Variants in TMEM88 observed in about 807,000 individuals in gnomAD.
The protein encoded by TMEM88 is transmembrane protein 88.
In TMEM88, 8 loss-of-function variants were observed where a neutral mutation model predicts 10.0. The ratio of observed to expected loss-of-function variants is 0.80; its 90% CI spans 0.47 to 1.44. TMEM88 has a LOEUF of 1.44. Ranked by LOEUF, TMEM88 falls within the 40% of genes most tolerant of loss-of-function variation. TMEM88 has a pLI of 0.00. For synonymous variants in TMEM88, 139 were observed against 104.9 expected (o/e 1.33, Z -1.99); for missense variants, 255 against 217.8 (o/e 1.17, Z -1.07).
chr17:7,855,402 G>C (rs765374753), intron 1 of TMEM88, 43 bp from the exon 2 acceptor site: 24 of 1,596,302 alleles, frequency 1.5e-5, no homozygotes, highest in East Asian at 1.1e-4. Context: ...CCCGTGCACA[G>C]TATCGCCTGG....
chr17:7,856,039 TG>T lies in TMEM88; in HGVS notation c.*331del, dbSNP rs1213245575. 5 of 1,075,406 alleles carry T rather than the reference TG, an allele frequency of 4.6e-6. No individual in the cohort carries two copies. The highest frequency in any genetic ancestry group is 3.3e-5 in the African/African-American group (2 of 60,688). The allele number at this position is 1,075,406 out of a possible 1,614,324, so 66.6% of individuals were successfully genotyped here. A position where few individuals can be genotyped will look rare whatever the true frequency, so the allele number is the denominator to read the frequency against. On this transcript the variant is annotated 3_prime_UTR_variant, in exon 2 of 2. Coordinates refer to ENST00000301599, the MANE Select transcript of TMEM88 (RefSeq NM_203411.2). ...GCAGCTTCTCTAGTATTTCTGGGGCTGGGGGGCGGGGCTGGAGGGGAAGGAG... is the reference window on the plus strand; with the variant it reads ...GCAGCTTCTCTAGTATTTCTGGGGCTGGGGGCGGGGCTGGAGGGGAAGGAG...
chr17:7,855,377 C>T (rs1366719024), intron 1 of TMEM88, 68 bp from the exon 2 acceptor site: 5 of 1,591,794 alleles, frequency 3.1e-6, no homozygotes, highest in African/African-American at 1.3e-5. Context: ...TTCAACCCGC[C>T]TGGGCTGTTT....
At chr17:7,855,342 G>A in intron 1 of TMEM88, 58 bp downstream of exon 1, 1 of 1,589,354 alleles carries the variant, frequency 6.3e-7, no homozygotes, top group South Asian at 1.1e-5. Context: ...TGGTGATGCT[G>A]GCGGTGGGGT....
At position 7,855,960 on chromosome 17, in the gene TMEM88, C is replaced by T. The variant is rs1010585409; in HGVS notation, c.*246C>T. ...CATCTAGGCTGGAACCTGCACACCTCCCCCTCAGCTCCGTCGTGAATGGGA... is the reference window on the plus strand; with the variant it reads ...CATCTAGGCTGGAACCTGCACACCTTCCCCTCAGCTCCGTCGTGAATGGGA... On this transcript the variant is annotated 3_prime_UTR_variant, in exon 2 of 2. Coordinates refer to ENST00000301599, the MANE Select transcript of TMEM88 (RefSeq NM_203411.2). The T allele has an allele frequency of 1.1e-5, 14 of 1,309,644 alleles. No homozygotes were observed. The highest frequency in any genetic ancestry group is 2.9e-4 in the Middle Eastern group (1 of 3,504). The allele number at this position is 1,309,644 out of a possible 1,614,324, so 81.1% of individuals were successfully genotyped here. A position where few individuals can be genotyped will look rare whatever the true frequency, so the allele number is the denominator to read the frequency against.
At position 7,855,500 on chromosome 17, in the gene TMEM88, C is replaced by T. The variant is rs1031116095; in HGVS notation, c.266C>T (p.Thr89Met). The change falls in exon 2 of 2, where the codon ACG becomes ATG. Residue 89 changes from threonine (T) to methionine (M), a missense_variant. Physicochemically the swap from Thr to Met is moderately conservative, Grantham distance 81. Transcript: ENST00000301599. ...GCGCACCTGCGGGACCCCGGTTTCA[C>T]GGCCCTACTGGTCACCGGATTCCTG... ...CTAHLRDPGF[T>M]ALLVTGFLLL... 9 of 1,608,454 alleles carry T rather than the reference C, an allele frequency of 5.6e-6. No individual in the cohort carries two copies. In the Admixed American group the frequency reaches 6.7e-5, roughly 12 times the overall value.
Position 7,855,170 on chromosome 17 carries a change from A to G in TMEM88, c.96A>G (p.Thr32=). 6.2e-7 allele frequency: 1 copy of G among 1,611,820 alleles called. No individual in the cohort carries two copies. Among genetic ancestry groups the G allele is most frequent in the Non-Finnish European group, 8.5e-7 (1 of 1,179,380 alleles). Residue 32 remains threonine (T), a synonymous_variant, in exon 1 of 2, where the codon ACA becomes ACG. Transcript: ENST00000301599. The part of the protein sequence containing the change: ...LDCWACAVLV[T]AQNLLVAAFN... Reference sequence around the variant, plus strand: ...GTTGGGCCTGCGCTGTTCTTGTAACAGCCCAGAATCTGCTGGTGGCTGCCT... The same window carrying G: ...GTTGGGCCTGCGCTGTTCTTGTAACGGCCCAGAATCTGCTGGTGGCTGCCT...
chr17:7,856,036 G>A lies in TMEM88; in HGVS notation c.*322G>A. On this transcript the variant is annotated 3_prime_UTR_variant, in exon 2 of 2. Coordinates refer to ENST00000301599, the MANE Select transcript of TMEM88 (RefSeq NM_203411.2). ...GGTGCAGCTTCTCTAGTATTTCTGGGGCTGGGGGGCGGGGCTGGAGGGGAA... is the reference window on the plus strand; with the variant it reads ...GGTGCAGCTTCTCTAGTATTTCTGGAGCTGGGGGGCGGGGCTGGAGGGGAA... 6 of 1,206,700 alleles carry A rather than the reference G, an allele frequency of 5.0e-6. No individual in the cohort carries two copies. The highest frequency in any genetic ancestry group is 6.3e-6 in the Non-Finnish European group (6 of 951,418). 74.7% of individuals were successfully genotyped at this position (1,206,700 alleles called of 1,614,324 possible).
chr17:7,856,003 C>T lies in TMEM88; in HGVS notation c.*289C>T, dbSNP rs992990530. On this transcript the variant is annotated 3_prime_UTR_variant, in exon 2 of 2. Transcript: ENST00000301599. ...GAATGGGACAACAATCTCGTGCCCT[C>T]GTTTTATGGTGCAGCTTCTCTAGTA... is the stretch of plus-strand genomic sequence containing the variant. The T allele has an allele frequency of 8.0e-7, 1 of 1,257,334 alleles. No individual in the cohort carries two copies. Among genetic ancestry groups the T allele is most frequent in the Non-Finnish European group, 1.0e-6 (1 of 994,414 alleles). The allele number at this position is 1,257,334 out of a possible 1,614,324, so 77.9% of individuals were successfully genotyped here.
chr17:7,855,981 T>C lies in TMEM88; in HGVS notation c.*267T>C. 4.7e-6 allele frequency: 6 copies of C among 1,283,926 alleles called. No homozygotes were observed. Among genetic ancestry groups the C allele is most frequent in the Non-Finnish European group, 5.9e-6 (6 of 1,015,804 alleles). 79.5% of individuals were successfully genotyped at this position (1,283,926 alleles called of 1,614,324 possible). On this transcript the variant is annotated 3_prime_UTR_variant, in exon 2 of 2. Transcript: ENST00000301599. ...ACCTCCCCCTCAGCTCCGTCGTGAA[T>C]GGGACAACAATCTCGTGCCCTCGTT...
Position 7,855,562 on chromosome 17 carries a change from T to C in TMEM88, c.328T>C (p.Tyr110His). ...GCTGCTCGTGCTTGCTCTGGCCAGC[T>C]ACCGCCGCCTCTGCCTGCGCCTCCG... is the stretch of plus-strand genomic sequence containing the variant. ...VPLLVLALASYRRLCLRLRLA... is the reference protein window; with the variant it reads ...VPLLVLALASHRRLCLRLRLA... The change falls in exon 2 of 2, where the codon TAC (tyrosine) becomes CAC (histidine). Residue 110 changes from tyrosine (Y) to histidine (H), a missense_variant. By Grantham distance (83) the Tyr-to-His change is moderately conservative (BLOSUM62 2). Transcript: ENST00000301599. 1 of 1,608,156 alleles carries C rather than the reference T, an allele frequency of 6.2e-7. No individual in the cohort carries two copies. The highest frequency in any genetic ancestry group is 8.5e-7 in the Non-Finnish European group (1 of 1,179,862).
rs747778724 is a variant in TMEM88, at chr17:7,855,291, G to A, written c.210+7G>A. On this transcript the variant is annotated splice_region_variant and intron_variant, in intron 1 of 1. Transcript: ENST00000301599. Reference sequence around the variant, plus strand: ...CTTCCTCTGCCACTCTCAGGTGAGCGTGCGCCCCGGGGTGTGCGTGTGAGT... The same window carrying A: ...CTTCCTCTGCCACTCTCAGGTGAGCATGCGCCCCGGGGTGTGCGTGTGAGT... 3.8e-6 allele frequency: 6 copies of A among 1,591,764 alleles called. No individual in the cohort carries two copies. Among genetic ancestry groups the A allele is most frequent in the Middle Eastern group, 1.7e-4 (1 of 5,978 alleles).
In TMEM88 at chr17:7,855,153, T is replaced by C. The variant is rs1490973525; in HGVS notation, c.79T>C (p.Cys27Arg). ...CCGGGACCCCCTGGACTGTTGGGCCTGCGCTGTTCTTGTAACAGCCCAGAA... is the reference window on the plus strand; with the variant it reads ...CCGGGACCCCCTGGACTGTTGGGCCCGCGCTGTTCTTGTAACAGCCCAGAA... ...EPRDPLDCWA[C>R]AVLVTAQNLL... Residue 27 changes from cysteine to arginine, a missense_variant, in exon 1 of 2, where the codon TGC (cysteine) becomes CGC (arginine). Physicochemically the swap from Cys to Arg is radical, Grantham distance 180 (BLOSUM62 -3). Coordinates refer to ENST00000301599, the MANE Select transcript of TMEM88 (RefSeq NM_203411.2). 6.2e-7 allele frequency: 1 copy of C among 1,611,946 alleles called. No homozygotes were observed. The highest frequency in any genetic ancestry group is 8.5e-7 in the Non-Finnish European group (1 of 1,179,606).
chr17:7,855,640 G>T lies in TMEM88; in HGVS notation c.406G>T (p.Ala136Ser). ...CCGAGCCCTTTATCGGCGTCGGCGC[G>T]CCCCGCAGCCGCGGCAAATCCGGGC... The part of the protein sequence containing the change: ...YSRALYRRRR[A>S]PQPRQIRASP... Residue 136 changes from alanine (A) to serine (S), a missense_variant, in exon 2 of 2, where the codon GCC becomes TCC. By Grantham distance (99) the Ala-to-Ser change is moderately conservative. Transcript: ENST00000301599. The T allele has an allele frequency of 1.2e-6, 2 of 1,607,916 alleles. No individual in the cohort carries two copies.
At position 7,855,604 on chromosome 17, in the gene TMEM88, G is replaced by A. The variant is rs151204380; in HGVS notation, c.370G>A (p.Val124Met). 3.1e-6 allele frequency: 5 copies of A among 1,608,730 alleles called. No individual in the cohort carries two copies. Among genetic ancestry groups the A allele is most frequent in the South Asian group, 1.1e-5 (1 of 91,072 alleles). Residue 124 changes from valine to methionine, a missense_variant, in exon 2 of 2, where the codon GTG becomes ATG. By Grantham distance (21) the Val-to-Met change is conservative (BLOSUM62 1). Coordinates refer to ENST00000301599, the MANE Select transcript of TMEM88 (RefSeq NM_203411.2). ...GCGCCTCCGCCTAGCCGATTGCCTC[G>A]TGCCCTACAGCCGAGCCCTTTATCG... is the stretch of plus-strand genomic sequence containing the variant. ...CLRLRLADCL[V>M]PYSRALYRRR...
In TMEM88 at chr17:7,855,303, G is replaced by A; in HGVS notation, c.210+19G>A. 6.3e-7 allele frequency: 1 copy of A among 1,583,892 alleles called. No homozygotes were observed. The highest frequency in any genetic ancestry group is 8.6e-7 in the Non-Finnish European group (1 of 1,169,364). On this transcript the variant is annotated intron_variant, in intron 1 of 1. Transcript: ENST00000301599. The stretch of plus-strand genomic sequence containing the variant: ...CTCTCAGGTGAGCGTGCGCCCCGGG[G>A]TGTGCGTGTGAGTGTGAGTGTTGGT...
chr17:7,855,370 AACCCGCCTGGGCTGTTTCC>A, intron 1 of TMEM88, 56 bp from the exon 2 acceptor site: 10 of 1,590,542 alleles, frequency 6.3e-6, no homozygotes, highest in Non-Finnish European at 8.5e-6. Context: ...CCACAACTTC[AACCCGCCTGGGCTGTTTCC>A]ACCCCGTGCA....
Position 7,855,516 on chromosome 17 carries a change from C to G in TMEM88, c.282C>G (p.Thr94=). Reference sequence around the variant, plus strand: ...CCGGTTTCACGGCCCTACTGGTCACCGGATTCCTGCTCCTCGTGCCGCTGC... The same window carrying G: ...CCGGTTTCACGGCCCTACTGGTCACGGGATTCCTGCTCCTCGTGCCGCTGC... The part of the protein sequence containing the change: ...RDPGFTALLV[T]GFLLLVPLLV... Residue 94 remains threonine (T), a synonymous_variant, in exon 2 of 2, where the codon ACC becomes ACG. Coordinates refer to ENST00000301599, the MANE Select transcript of TMEM88 (RefSeq NM_203411.2). 6.2e-7 allele frequency: 1 copy of G among 1,608,920 alleles called. No homozygotes were observed.
Position 7,856,005 on chromosome 17 carries a change from T to C in TMEM88, c.*291T>C. The stretch of plus-strand genomic sequence containing the variant: ...ATGGGACAACAATCTCGTGCCCTCG[T>C]TTTATGGTGCAGCTTCTCTAGTATT... On this transcript the variant is annotated 3_prime_UTR_variant, in exon 2 of 2. Coordinates refer to ENST00000301599, the MANE Select transcript of TMEM88 (RefSeq NM_203411.2). The C allele has an allele frequency of 7.9e-7, 1 of 1,272,846 alleles. No homozygotes were observed. Among genetic ancestry groups the C allele is most frequent in the Non-Finnish European group, 9.9e-7 (1 of 1,006,754 alleles). 78.8% of individuals were successfully genotyped at this position (1,272,846 alleles called of 1,614,324 possible). A position where few individuals can be genotyped will look rare whatever the true frequency, so the allele number is the denominator to read the frequency against.
intron 1 of TMEM88, 51 bp from the exon 2 acceptor site, chr17:7,855,394 C>T (rs374435489): frequency 1.3e-6 from 2 of 1,593,662 alleles, no homozygotes; most frequent in African/African-American, 1.3e-5. Context: ...GTTTCCACCC[C>T]GTGCACAGTA....
Sources: allele counts gnomAD v4.1 joint callset, GRCh38; gene constraint gnomAD v4.1.1; transcripts MANE v1.5; gene names NCBI Gene and HGNC (gene_info 2026-07-23, HGNC 2026-07-21).